The following SPOCK1 variants were observed in gnomAD, a reference collection of about 807,000 sequenced individuals.
SPOCK1 encodes the protein testican-1.
SPOCK1 carries 23 observed loss-of-function variants against 55.3 expected under a neutral mutation model. The ratio of observed to expected loss-of-function variants is 0.42; its 90% CI spans 0.30 to 0.59. The LOEUF (loss-of-function observed/expected upper bound fraction) is 0.59. Among genes scored for constraint, SPOCK1 ranks in the 20% least tolerant of loss-of-function variants. The pLI is 0.22. For missense variants in SPOCK1, 499 were observed against 552.5 expected (o/e 0.90, Z 0.97); for synonymous variants, 226 against 221.0 (o/e 1.02, Z -0.20).
chr5:137,448,576 G>A (rs1328634386), intron 2 of SPOCK1, among the ~76,000 whole-genome samples: 1 of 152,140 alleles, frequency 6.6e-6, no homozygotes, highest in Non-Finnish European at 1.5e-5. Context: ...CCACTAAATG[G>A]AATTCAAATA....
Position 137,470,633 on chromosome 5 carries a change from C to A in SPOCK1, c.186+27740G>T, listed in dbSNP as rs535760852. ...GCTCATGCAAGAGCCATGCACTCTG[C>A]GGCCCATGGAGACTGCCTTTGTACC... is the stretch of plus-strand genomic sequence containing the variant. On this transcript the variant is annotated intron_variant, in intron 2 of 10. Transcript: ENST00000394945. Among the ~76,000 whole-genome samples, 10 of 152,246 alleles carry A rather than the reference C, an allele frequency of 6.6e-5. No homozygotes were observed. In the East Asian group the frequency reaches 1.5e-3, roughly 23 times the overall value.
At chr5:137,395,828 T>C (rs1380348539) in intron 2 of SPOCK1, among the ~76,000 whole-genome samples, 1 of 152,184 alleles carries the variant, frequency 6.6e-6, no homozygotes, top group African/African-American at 2.4e-5. Flanking sequence ...GGTGGGATTC[T>C]ATCCTGCATG....
intron 5 of SPOCK1, among the ~76,000 whole-genome samples, chr5:137,074,972 G>A (rs1295707990): frequency 6.6e-6 from 1 of 152,054 alleles, no homozygotes; most frequent in African/African-American, 2.4e-5. Context: ...CAAAGTGCTG[G>A]GATTACAGGC....
At chr5:137,098,265 T>A (rs1015811495) in intron 5 of SPOCK1, among the ~76,000 whole-genome samples, 3 of 152,212 alleles carry the variant, frequency 2.0e-5, no homozygotes, top group Non-Finnish European at 4.4e-5. Flanking sequence ...GGACAAGCTC[T>A]TAACTCGGAC....
chr5:137,293,857 A>C (rs1297184119), intron 2 of SPOCK1, among the ~76,000 whole-genome samples: 1 of 152,196 alleles, frequency 6.6e-6, no homozygotes, highest in Non-Finnish European at 1.5e-5. Context: ...TCTACTAAAA[A>C]TACAAAAAAA....
chr5:137,328,590 CT>C (rs1758117913), intron 2 of SPOCK1, among the ~76,000 whole-genome samples: 1 of 152,176 alleles, frequency 6.6e-6, no homozygotes, highest in Admixed American at 6.5e-5. Flanking sequence ...CAGAACACAG[CT>C]CTAACAGCAG....
At chr5:137,374,305 G>C (rs17171378) in intron 2 of SPOCK1, among the ~76,000 whole-genome samples, 5,208 of 152,294 alleles carry the variant, frequency 0.034, 163 homozygotes, top group African/African-American at 0.09. Context: ...AGGACATCCT[G>C]TCACAAAGAT....
At chr5:137,446,637 C>G (rs946111041) in intron 2 of SPOCK1, among the ~76,000 whole-genome samples, 1 of 152,114 alleles carries the variant, frequency 6.6e-6, no homozygotes, top group African/African-American at 2.4e-5. Context: ...AAACTAGAAA[C>G]GCGATGATTC....
chr5:137,030,403 G>C (rs186800272), intron 6 of SPOCK1, among the ~76,000 whole-genome samples: 1 of 152,330 alleles, frequency 6.6e-6, no homozygotes, highest in African/African-American at 2.4e-5. Flanking sequence ...CAAGAGCAGA[G>C]GTATTAAACA....
At chr5:137,334,788 T>C (rs1414528280) in intron 2 of SPOCK1, among the ~76,000 whole-genome samples, 1 of 152,186 alleles carries the variant, frequency 6.6e-6, no homozygotes, top group Non-Finnish European at 1.5e-5. Context: ...CTTTGCTGTT[T>C]TGCCTTTCTC....
At chr5:137,475,813 A>C (rs1188595587) in intron 2 of SPOCK1, among the ~76,000 whole-genome samples, 1 of 152,038 alleles carries the variant, frequency 6.6e-6, no homozygotes, top group African/African-American at 2.4e-5. Flanking sequence ...GGCCTCAAAC[A>C]ATCTTCCTGC....
chr5:137,399,110 T>C (rs1289010864), intron 2 of SPOCK1, among the ~76,000 whole-genome samples: 1 of 152,204 alleles, frequency 6.6e-6, no homozygotes, highest in East Asian at 1.9e-4. Context: ...AAGCCTTTTA[T>C]TTTTCCTGAA....
chr5:137,277,159 T>A (rs1424531604), intron 2 of SPOCK1, among the ~76,000 whole-genome samples: 1 of 151,850 alleles, frequency 6.6e-6, no homozygotes, highest in African/African-American at 2.4e-5. Flanking sequence ...AGACTACAGG[T>A]GTACACCACC....
intron 3 of SPOCK1, among the ~76,000 whole-genome samples, chr5:137,144,179 C>T (rs1754150479): frequency 6.6e-6 from 1 of 152,092 alleles, no homozygotes; most frequent in African/African-American, 2.4e-5. Flanking sequence ...GAGCCCTCAG[C>T]CTACCCCCTC....
chr5:137,176,883 T>C (rs1385432965), intron 3 of SPOCK1, among the ~76,000 whole-genome samples: 1 of 152,160 alleles, frequency 6.6e-6, no homozygotes, highest in Non-Finnish European at 1.5e-5. Context: ...TTGGCATTTG[T>C]GGTGGTGGAG....
At chr5:137,078,143 G>A (rs1190726314) in intron 5 of SPOCK1, among the ~76,000 whole-genome samples, 1 of 152,132 alleles carries the variant, frequency 6.6e-6, no homozygotes, top group Admixed American at 6.5e-5. Context: ...AGAGAGACTT[G>A]GGAGATGCAA....
intron 3 of SPOCK1, among the ~76,000 whole-genome samples, chr5:137,211,368 G>A (rs1167943569): frequency 2.0e-5 from 3 of 152,158 alleles, no homozygotes; most frequent in African/African-American, 4.8e-5. Context: ...ACCTCAATAG[G>A]GATGTTACTG....
chr5:137,419,040 C>A lies in SPOCK1; in HGVS notation c.186+79333G>T, dbSNP rs566870667. Among the ~76,000 whole-genome samples, 600 of 152,284 alleles carry A rather than the reference C, an allele frequency of 3.9e-3. 12 individuals carry two copies. Among genetic ancestry groups the A allele is most frequent in the Non-Finnish European group, 4.1e-3 (276 of 68,024 alleles). ...ATATGGCTAGCCAGTTTTCCCAGCACCATTTATTAAATAGGGAATCCTTTC... is the reference window on the plus strand; with the variant it reads ...ATATGGCTAGCCAGTTTTCCCAGCAACATTTATTAAATAGGGAATCCTTTC... On this transcript the variant is annotated intron_variant, in intron 2 of 10. Coordinates refer to ENST00000394945, the MANE Select transcript of SPOCK1 (RefSeq NM_004598.4).
chr5:137,389,632 C>T (rs1751673306), intron 2 of SPOCK1, among the ~76,000 whole-genome samples: 1 of 152,224 alleles, frequency 6.6e-6, no homozygotes, highest in African/African-American at 2.4e-5. Context: ...ATCCTCATCT[C>T]ACAGACTAAG....
Sources: gnomAD v4.1 joint callset for allele counts (sites outside exome capture counted in the v4.1 genomes callset) on GRCh38, gnomAD v4.1.1 for gene constraint, MANE v1.5 for transcripts, NCBI Gene and HGNC (gene_info 2026-07-23, HGNC 2026-07-21) for gene names.